Variants in MDGA2 observed in about 807,000 individuals in gnomAD.
The protein encoded by MDGA2 is MAM domain-containing glycosylphosphatidylinositol anchor protein 2.
A neutral mutation model predicts 117.8 loss-of-function variants in MDGA2; 40 were observed. That is an observed-to-expected ratio of 0.34 (90% CI 0.26 to 0.44). The LOEUF (loss-of-function observed/expected upper bound fraction) is 0.44, where lower values mean the gene tolerates loss of function less well. Ranked by LOEUF, MDGA2 falls within the 20% of genes least tolerant of loss-of-function variation. The probability of loss-of-function intolerance (pLI) is 1.00; values close to 1 mark genes in which losing one functional copy is unlikely to be tolerated. For missense variants in MDGA2, 1,123 were observed against 1,250.6 expected (o/e 0.90, Z 1.54); for synonymous variants, 452 against 439.0 (o/e 1.03, Z -0.37).
chr14:47,674,999 G>GCGGCGGCGCGCTGGGC lies in MDGA2; in HGVS notation c.-219_-204dup, dbSNP rs1898154538. ...TCGAGTCTCCGCAGCTGCGGCGGCG[G>GCGGCGGCGCGCTGGGC]CGGCGGCGCGCTGGGCCGGCGGCGG... On this transcript the variant is annotated 5_prime_UTR_variant, in exon 1 of 17. Transcript: ENST00000399232. 3.0e-6 allele frequency: 1 copy of GCGGCGGCGCGCTGGGC among 332,126 alleles called. No individual in the cohort carries two copies. Among genetic ancestry groups the GCGGCGGCGCGCTGGGC allele is most frequent in the Admixed American group, 4.9e-5 (1 of 20,262 alleles). The allele number at this position is 332,126 out of a possible 1,614,324, so 20.6% of individuals were successfully genotyped here. A position where few individuals can be genotyped will look rare whatever the true frequency, so the allele number is the denominator to read the frequency against.
At chr14:47,441,737 G>A (rs1017146169) in intron 1 of MDGA2, among the ~76,000 whole-genome samples, 2 of 152,054 alleles carry the variant, frequency 1.3e-5, no homozygotes, top group African/African-American at 4.8e-5. Context: ...AACTACAGAA[G>A]TTAAATATGC....
At chr14:47,148,250 C>G (rs1883023359) in intron 3 of MDGA2, among the ~76,000 whole-genome samples, 1 of 152,124 alleles carries the variant, frequency 6.6e-6, no homozygotes, top group African/African-American at 2.4e-5. Flanking sequence ...ACTGGGACCT[C>G]TAAACTGGCA....
chr14:47,087,943 A>C (rs949588845), intron 6 of MDGA2, among the ~76,000 whole-genome samples: 1 of 152,084 alleles, frequency 6.6e-6, no homozygotes, highest in Non-Finnish European at 1.5e-5. Context: ...TTTTAAAAGA[A>C]AATTGAAAGA....
chr14:47,470,501 A>T (rs1594873600), intron 1 of MDGA2, among the ~76,000 whole-genome samples: 1 of 152,100 alleles, frequency 6.6e-6, no homozygotes, highest in Non-Finnish European at 1.5e-5. Flanking sequence ...ACATTTTCTT[A>T]ATCCAGTCTA....
chr14:47,082,998 A>G (rs929379734), intron 6 of MDGA2, among the ~76,000 whole-genome samples: 1 of 152,068 alleles, frequency 6.6e-6, no homozygotes, highest in Non-Finnish European at 1.5e-5. Context: ...GGTGAACAAG[A>G]AGATGGAACA....
intron 1 of MDGA2, among the ~76,000 whole-genome samples, chr14:47,541,121 G>A (rs558038369): frequency 6.6e-6 from 1 of 152,106 alleles, no homozygotes; most frequent in African/African-American, 2.4e-5. Context: ...GCTGGGGTGA[G>A]TCCCTGAGTG....
intron 1 of MDGA2, among the ~76,000 whole-genome samples, chr14:47,521,409 A>G (rs1422666155): frequency 2.0e-5 from 3 of 152,204 alleles, no homozygotes; most frequent in African/African-American, 7.2e-5. Context: ...ATCTTATTAA[A>G]TCCTGACCTT....
intron 8 of MDGA2, among the ~76,000 whole-genome samples, chr14:46,991,765 C>T (rs1308196671): frequency 2.6e-5 from 4 of 152,070 alleles, no homozygotes; most frequent in African/African-American, 9.7e-5. Context: ...GTTAATACAA[C>T]TGTGTTTTAT....
chr14:47,089,221 T>TATTTGTAAAATTTTGTAAA (rs1891019381), intron 6 of MDGA2, among the ~76,000 whole-genome samples: 1 of 152,140 alleles, frequency 6.6e-6, no homozygotes, highest in Non-Finnish European at 1.5e-5. Flanking sequence ...GAAAATTAAA[T>TATTTGTAAAATTTTGTAAA]ATTTGTAAAA....
chr14:47,315,880 A>G (rs1440714850), intron 1 of MDGA2, among the ~76,000 whole-genome samples: 1 of 151,998 alleles, frequency 6.6e-6, no homozygotes, highest in Non-Finnish European at 1.5e-5. Context: ...ATTTTCTGCC[A>G]CAAGTTTTTT....
chr14:47,604,628 A>G (rs1372232287), intron 1 of MDGA2, among the ~76,000 whole-genome samples: 2 of 151,630 alleles, frequency 1.3e-5, no homozygotes, highest in Non-Finnish European at 2.9e-5. Context: ...ACCACACCCA[A>G]CCTAGTCTTC....
intron 1 of MDGA2, among the ~76,000 whole-genome samples, chr14:47,482,728 A>G (rs913015037): frequency 6.6e-6 from 1 of 151,944 alleles, no homozygotes; most frequent in Non-Finnish European, 1.5e-5. Flanking sequence ...TCCTATGTTG[A>G]TAAGTTATAG....
chr14:47,036,173 G>A (rs1398545371), intron 7 of MDGA2, among the ~76,000 whole-genome samples: 1 of 150,410 alleles, frequency 6.6e-6, no homozygotes, highest in African/African-American at 2.4e-5. Flanking sequence ...GGGTGGCTGA[G>A]GCAGGAGAAT....
chr14:47,500,935 A>C (rs2138672485), intron 1 of MDGA2, among the ~76,000 whole-genome samples: 1 of 152,302 alleles, frequency 6.6e-6, no homozygotes, highest in South Asian at 2.1e-4. Flanking sequence ...TTGAAACCCC[A>C]GTGAAATAAT....
At chr14:47,461,476 T>C (rs1430829069) in intron 1 of MDGA2, among the ~76,000 whole-genome samples, 3 of 152,124 alleles carry the variant, frequency 2.0e-5, no homozygotes, top group African/African-American at 7.2e-5. Context: ...TTAGTTTTAC[T>C]AACAGAATAG....
chr14:46,879,776 G>T (rs1013617414), intron 11 of MDGA2, among the ~76,000 whole-genome samples: 1 of 152,008 alleles, frequency 6.6e-6, no homozygotes, highest in Non-Finnish European at 1.5e-5. Context: ...TTCTGGGTCC[G>T]AATATCTTCA....
intron 1 of MDGA2, among the ~76,000 whole-genome samples, chr14:47,566,884 T>C (rs1594921503): frequency 6.7e-6 from 1 of 148,766 alleles, no homozygotes; most frequent in Non-Finnish European, 1.5e-5. Context: ...CTCCTCCTTG[T>C]TGCATCTAGT....
chr14:46,870,132 G>C (rs1054939841), intron 14 of MDGA2, among the ~76,000 whole-genome samples: 1 of 151,884 alleles, frequency 6.6e-6, no homozygotes, highest in East Asian at 1.9e-4. Context: ...GGGGAAATTT[G>C]TTATATTGCA....
At chr14:47,320,620 T>A (rs1462499150) in intron 1 of MDGA2, among the ~76,000 whole-genome samples, 4 of 152,144 alleles carry the variant, frequency 2.6e-5, no homozygotes, top group Non-Finnish European at 4.4e-5. Flanking sequence ...CCTCCCTTCC[T>A]TTCTTCCTTT....
Sources: gnomAD v4.1 joint callset for allele counts (sites outside exome capture counted in the v4.1 genomes callset) on GRCh38, gnomAD v4.1.1 for gene constraint, MANE v1.5 for transcripts, NCBI Gene and HGNC (gene_info 2026-07-23, HGNC 2026-07-21) for gene names.